The following ARMC2 variants were observed in gnomAD, a reference collection of about 807,000 sequenced individuals.
ARMC2 encodes armadillo repeat containing 2.
Under a neutral mutation model 90.3 loss-of-function variants are expected in ARMC2, and 67 were observed. The observed-to-expected ratio is 0.74, with a 90% CI of 0.61 to 0.91. The LOEUF is 0.91. Ranked by LOEUF, ARMC2 falls within the 40% of genes least tolerant of loss-of-function variation. ARMC2 has a pLI of 0.00. For missense variants in ARMC2, 920 were observed against 1,030.9 expected (o/e 0.89, Z 1.47); for synonymous variants, 393 against 393.0 (o/e 1.00, Z 0.00).
chr6:108,962,218 C>A, intron 15 of ARMC2, 91 bp downstream of exon 15: 1 of 1,038,482 alleles, frequency 9.6e-7, no homozygotes, highest in Non-Finnish European at 1.4e-6. Context: ...CAGTGTTATA[C>A]TTGTTTCCGT....
intron 5 of ARMC2, among the ~76,000 whole-genome samples, chr6:108,885,561 C>T (rs1778003409): frequency 1.3e-5 from 2 of 151,782 alleles, no homozygotes; most frequent in South Asian, 4.2e-4. Context: ...GTAGTCCCGG[C>T]TACTTGGGAG....
At chr6:108,993,233 T>C in the ARMC2 span, among the ~76,000 whole-genome samples, 1 of 152,202 alleles carries the variant, frequency 6.6e-6, no homozygotes, top group Admixed American at 6.5e-5. Context: ...ATTTTTAAGA[T>C]AACTACAAAA....
At chr6:108,981,289 C>A in the ARMC2 span, among the ~76,000 whole-genome samples, 1 of 152,026 alleles carries the variant, frequency 6.6e-6, no homozygotes, top group Non-Finnish European at 1.5e-5. Context: ...CACATATAAG[C>A]TGGACCATTT....
At chr6:109,045,242 A>G in the ARMC2 span, among the ~76,000 whole-genome samples, 1 of 151,924 alleles carries the variant, frequency 6.6e-6, no homozygotes, top group Admixed American at 6.6e-5. Flanking sequence ...TCTATCCCCT[A>G]TCCTCAACCT....
At chr6:109,042,014 C>T in the ARMC2 span, among the ~76,000 whole-genome samples, 16,569 of 151,734 alleles carry the variant, frequency 0.11, 1,022 homozygotes, top group Middle Eastern at 0.19. Flanking sequence ...CTGATCATAA[C>T]GAAATCACAC....
chr6:108,852,106 T>C (rs1437943676), intron 1 of ARMC2, among the ~76,000 whole-genome samples: 1 of 152,182 alleles, frequency 6.6e-6, no homozygotes, highest in East Asian at 1.9e-4. Context: ...TCAGGTATAC[T>C]TTAAGTAGAT....
chr6:108,930,212 A>T (rs1170067950), intron 11 of ARMC2, among the ~76,000 whole-genome samples: 4 of 152,062 alleles, frequency 2.6e-5, no homozygotes, highest in Non-Finnish European at 5.9e-5. Context: ...CTCTTTAAAA[A>T]TATTTACTTA....
the ARMC2 span, chr6:108,998,657 G>C: frequency 1.9e-6 from 3 of 1,613,824 alleles, no homozygotes; most frequent in Non-Finnish European, 1.7e-6. Context: ...TTCCACAGCC[G>C]AATGTGAATG....
chr6:108,870,548 G>A (rs1437213666), intron 4 of ARMC2, among the ~76,000 whole-genome samples: 1 of 151,132 alleles, frequency 6.6e-6, no homozygotes, highest in Non-Finnish European at 1.5e-5. Context: ...AGGAAGGAAG[G>A]AAGGAAGAGA....
At chr6:108,964,120 CAA>C in intron 15 of ARMC2, 58 bp from the exon 16 acceptor site, 2 of 1,570,422 alleles carry the variant, frequency 1.3e-6, no homozygotes, top group Non-Finnish European at 1.7e-6. Flanking sequence ...ATCTGTAAAA[CAA>C]GAGACAGCTG....
intron 6 of ARMC2, among the ~76,000 whole-genome samples, chr6:108,894,957 G>T (rs949414386): frequency 6.7e-6 from 1 of 150,040 alleles, no homozygotes; most frequent in African/African-American, 2.4e-5. Flanking sequence ...TAGTAGAGAC[G>T]AGCTTTCATT....
intron 3 of ARMC2, 126 bp from the exon 4 acceptor site, chr6:108,868,691 AGAATCAG>A (rs1380691395): frequency 1.4e-6 from 1 of 728,360 alleles, no homozygotes; most frequent in Non-Finnish European, 2.3e-6. Context: ...GTGAGTTGGT[AGAATCAG>A]GAAGCCAAGA....
At chr6:109,042,919 T>A in the ARMC2 span, among the ~76,000 whole-genome samples, 2 of 151,986 alleles carry the variant, frequency 1.3e-5, no homozygotes, top group East Asian at 3.8e-4. Flanking sequence ...AAATACAGCC[T>A]CATGAAAATG....
At chr6:109,048,013 A>G in the ARMC2 span, among the ~76,000 whole-genome samples, 5 of 149,680 alleles carry the variant, frequency 3.3e-5, no homozygotes, top group Non-Finnish European at 1.5e-5. Context: ...TCACTTGTTT[A>G]TCTGCTGACC....
chr6:108,984,848 T>C, the ARMC2 span, among the ~76,000 whole-genome samples: 506 of 152,308 alleles, frequency 3.3e-3, no homozygotes, highest in African/African-American at 9.8e-3. Context: ...CAAACTTTCC[T>C]AGCCTTTTGG....
At chr6:108,907,705 G>A (rs1583073217) in intron 8 of ARMC2, 4 of 1,609,264 alleles carry the variant, frequency 2.5e-6, no homozygotes, top group Non-Finnish European at 3.4e-6. Context: ...TAACCCCCGA[G>A]ATGCTCCCCT....
In ARMC2 at chr6:108,953,114, A is replaced by G; in HGVS notation, c.1678A>G (p.Lys560Glu). 6.2e-7 allele frequency: 1 copy of G among 1,613,988 alleles called. No homozygotes were observed. Among genetic ancestry groups the G allele is most frequent in the Non-Finnish European group, 8.5e-7 (1 of 1,179,878 alleles). Residue 560 changes from lysine (K) to glutamate (E), a missense_variant, in exon 13 of 18, where the codon AAA (lysine) becomes GAA (glutamate). Coordinates refer to ENST00000392644, the MANE Select transcript of ARMC2 (RefSeq NM_032131.6). ...NQAREQFSKE[K>E]GSIQTLLSLF... ...GGCTCGTGAACAATTTTCCAAAGAG[A>G]AAGGGAGCATCCAAACTCTGCTGTC...
At chr6:108,888,190 G>A (rs910474332) in intron 5 of ARMC2, among the ~76,000 whole-genome samples, 2 of 152,240 alleles carry the variant, frequency 1.3e-5, no homozygotes, top group Non-Finnish European at 2.9e-5. Flanking sequence ...CGCATCATGT[G>A]AGGAACAGTA....
chr6:108,907,269 T>C (rs1421688943), intron 8 of ARMC2, among the ~76,000 whole-genome samples: 9 of 152,244 alleles, frequency 5.9e-5, no homozygotes, highest in African/African-American at 2.2e-4. Context: ...ATTCATTTTT[T>C]TCATGAAGTT....
Sources: allele counts gnomAD v4.1 joint callset (sites outside exome capture counted in the v4.1 genomes callset), GRCh38; gene constraint gnomAD v4.1.1; transcripts MANE v1.5; gene names NCBI Gene and HGNC (gene_info 2026-07-23, HGNC 2026-07-21).